Variants in HMHB1 observed in about 807,000 individuals in gnomAD.
HMHB1 encodes histocompatibility minor HB-1, also known as minor histocompatibility protein HB-1.
Under a neutral mutation model 2.4 loss-of-function variants are expected in HMHB1, and 4 were observed. That is an observed-to-expected ratio of 1.65 (90% CI 0.81 to 3.77). The LOEUF is 3.77. Among genes scored for constraint, HMHB1 ranks in the 30% most tolerant of loss-of-function variants. The pLI is 0.01. For synonymous variants in HMHB1, 22 were observed against 17.6 expected (o/e 1.25, Z -0.63); for missense variants, 57 against 44.2 (o/e 1.29, Z -0.82).
chr5:143,813,640 T>A (rs1759716460), intron 1 of HMHB1, among the ~76,000 whole-genome samples: 3 of 152,228 alleles, frequency 2.0e-5, no homozygotes, highest in African/African-American at 7.2e-5. Flanking sequence ...TCATGAGCAG[T>A]CCATATTTTT....
intron 1 of HMHB1, among the ~76,000 whole-genome samples, chr5:143,819,856 G>T (rs1242721040): frequency 6.6e-6 from 1 of 152,172 alleles, no homozygotes; most frequent in South Asian, 2.1e-4. Context: ...TACAACCTGG[G>T]CTTATGGAAA....
chr5:143,815,219 T>C (rs1308146961), intron 1 of HMHB1, among the ~76,000 whole-genome samples: 1 of 152,240 alleles, frequency 6.6e-6, no homozygotes, highest in Non-Finnish European at 1.5e-5. Context: ...ATTTAGTAGT[T>C]TAAATCTGCA....
At chr5:143,819,591 T>C (rs180962863) in intron 1 of HMHB1, among the ~76,000 whole-genome samples, 81 of 137,804 alleles carry the variant, frequency 5.9e-4, no homozygotes, top group African/African-American at 2.1e-3. Context: ...GCCAAGATCG[T>C]GCCACTGCAC....
At chr5:143,820,318 TAAAAAAAAAAAAAAAAA>T (rs60960654) in intron 1 of HMHB1, among the ~76,000 whole-genome samples, 145 bp from the exon 2 acceptor site, 2,686 of 47,676 alleles carry the variant, frequency 0.056, 180 homozygotes, top group African/African-American at 0.18. Context: ...TCATCATAAG[TAAAAAAAAAAAAAAAAA>T]AAAAAAAAAA....
chr5:143,813,814 T>C (rs953181752), intron 1 of HMHB1, among the ~76,000 whole-genome samples: 3 of 152,226 alleles, frequency 2.0e-5, no homozygotes, highest in African/African-American at 7.2e-5. Flanking sequence ...ACATACCTTT[T>C]TTATTTCAGA....
At chr5:143,817,474 A>C (rs1345054681) in intron 1 of HMHB1, among the ~76,000 whole-genome samples, 2 of 151,822 alleles carry the variant, frequency 1.3e-5, no homozygotes, top group Admixed American at 1.3e-4. Context: ...TCCTTTCCCC[A>C]CTTTATGTTT....
At chr5:143,816,750 T>C (rs899400204) in intron 1 of HMHB1, among the ~76,000 whole-genome samples, 1 of 152,234 alleles carries the variant, frequency 6.6e-6, no homozygotes, top group African/African-American at 2.4e-5. Context: ...AAATGGTAGC[T>C]CTACTTTTAG....
At chr5:143,816,961 T>G (rs1201503961) in intron 1 of HMHB1, among the ~76,000 whole-genome samples, 1 of 152,240 alleles carries the variant, frequency 6.6e-6, no homozygotes, top group East Asian at 1.9e-4. Flanking sequence ...TTAGTGATGC[T>G]CAGTGTTTTT....
At chr5:143,820,346 A>AAAAAAAAAAAAAAAAAAAC (rs1759797851) in intron 1 of HMHB1, 134 bp from the exon 2 acceptor site, 1 of 275,914 alleles carries the variant, frequency 3.6e-6, no homozygotes, top group Non-Finnish European at 6.6e-6. Context: ...AAAAAAAAAA[A>AAAAAAAAAAAAAAAAAAAC]AAAACAGAAC....
intron 1 of HMHB1, among the ~76,000 whole-genome samples, chr5:143,816,921 C>T (rs561873630): frequency 2.0e-5 from 3 of 152,292 alleles, no homozygotes; most frequent in Admixed American, 6.5e-5. Flanking sequence ...TGGTATTGCA[C>T]TGTGGTTTTG....
intron 1 of HMHB1, among the ~76,000 whole-genome samples, 163 bp from the exon 2 acceptor site, chr5:143,820,317 G>GAAAAAAAAAAA: frequency 2.1e-4 from 1 of 4,758 alleles, no homozygotes; most frequent in African/African-American, 6.4e-4. Context: ...CTCATCATAA[G>GAAAAAAAAAAA]TAAAAAAAAA....
chr5:143,816,291 G>A (rs990904224), intron 1 of HMHB1, among the ~76,000 whole-genome samples: 2 of 152,066 alleles, frequency 1.3e-5, no homozygotes, highest in Non-Finnish European at 2.9e-5. Context: ...TGAGATTTTG[G>A]TGCACTCATC....
Position 143,820,606 on chromosome 5 carries a change from G to T in HMHB1, c.*38G>T. 1 of 1,356,384 alleles carries T rather than the reference G, an allele frequency of 7.4e-7. No homozygotes were observed. Among genetic ancestry groups the T allele is most frequent in the South Asian group, 1.2e-5 (1 of 85,256 alleles). 84.0% of individuals were successfully genotyped at this position (1,356,384 alleles called of 1,614,324 possible). Reference sequence around the variant, plus strand: ...GGTTTGACTCGAAGCCCAGAGTTTTGGTGTGGATGAGCAGGGACAAATTGC... The same window carrying T: ...GGTTTGACTCGAAGCCCAGAGTTTTTGTGTGGATGAGCAGGGACAAATTGC... On this transcript the variant is annotated 3_prime_UTR_variant, in exon 2 of 2. Coordinates refer to ENST00000289448, the MANE Select transcript of HMHB1 (RefSeq NM_021182.3).
At chr5:143,817,166 TTACTC>T (rs1759757963) in intron 1 of HMHB1, among the ~76,000 whole-genome samples, 1 of 152,330 alleles carries the variant, frequency 6.6e-6, no homozygotes, top group East Asian at 1.9e-4. Context: ...AGTCATCTGT[TTACTC>T]TGCTGTTTCT....
chr5:143,812,605 G>A (rs1338891840), intron 1 of HMHB1, among the ~76,000 whole-genome samples: 3 of 152,308 alleles, frequency 2.0e-5, no homozygotes, highest in East Asian at 3.9e-4. Flanking sequence ...CAACGGCAAG[G>A]GAAGTGCAGA....
intron 1 of HMHB1, 130 bp from the exon 2 acceptor site, chr5:143,820,350 A>AAAAAAAAAAAAAAAC (rs1759798690): frequency 5.1e-6 from 1 of 196,678 alleles, no homozygotes; most frequent in African/African-American, 2.7e-5. Flanking sequence ...AAAAAAAAAA[A>AAAAAAAAAAAAAAAC]CAGAACAAAA....
At chr5:143,819,039 G>A (rs1423955995) in intron 1 of HMHB1, among the ~76,000 whole-genome samples, 1 of 152,122 alleles carries the variant, frequency 6.6e-6, no homozygotes, top group Non-Finnish European at 1.5e-5. Context: ...TTCTCTGATT[G>A]TCTCTCTATA....
chr5:143,820,535 G>T lies in HMHB1; in HGVS notation c.93G>T (p.Leu31=). Reference sequence around the variant, plus strand: ...TTGAAGTTGAAGATGATGTGTATCTGAGGCACAGCTCTTCCCTGACTTATA... The same window carrying T: ...TTGAAGTTGAAGATGATGTGTATCTTAGGCACAGCTCTTCCCTGACTTATA... The change falls in exon 2 of 2, where the codon CTG becomes CTT. Residue 31 remains leucine, a synonymous_variant. Transcript: ENST00000289448. 2 of 1,613,014 alleles carry T rather than the reference G, an allele frequency of 1.2e-6. No individual in the cohort carries two copies. Among genetic ancestry groups the T allele is most frequent in the South Asian group, 2.2e-5 (2 of 91,050 alleles).
At chr5:143,813,264 C>T (rs17101039) in intron 1 of HMHB1, among the ~76,000 whole-genome samples, 6,869 of 152,260 alleles carry the variant, frequency 0.045, 359 homozygotes, top group African/African-American at 0.12. Flanking sequence ...AGACAACTAC[C>T]GACCTTCCCT....
Sources: allele counts gnomAD v4.1 joint callset (sites outside exome capture counted in the v4.1 genomes callset), GRCh38; gene constraint gnomAD v4.1.1; transcripts MANE v1.5; gene names NCBI Gene and HGNC (gene_info 2026-07-23, HGNC 2026-07-21).